Variants in ATRNL1 observed in about 807,000 individuals in gnomAD.
ATRNL1 encodes the protein attractin like 1, also known as attractin-like protein 1.
ATRNL1 carries 95 observed loss-of-function variants against 182.7 expected under a neutral mutation model. The observed-to-expected ratio is 0.52, with a 90% CI of 0.44 to 0.62. ATRNL1 has a LOEUF of 0.62. Ranked by LOEUF, ATRNL1 falls within the 20% of genes least tolerant of loss-of-function variation. The pLI, the probability that ATRNL1 is intolerant of heterozygous loss-of-function variation, is 0.00. For missense variants in ATRNL1, 1,471 were observed against 1,679.5 expected (o/e 0.88, Z 2.17); for synonymous variants, 576 against 568.3 (o/e 1.01, Z -0.19).
At chr10:115,678,158 T>G (rs1945927495) in intron 26 of ATRNL1, among the ~76,000 whole-genome samples, 1 of 152,006 alleles carries the variant, frequency 6.6e-6, no homozygotes, top group Non-Finnish European at 1.5e-5. Flanking sequence ...AAATAATAAT[T>G]CAACAAAGAG....
intron 26 of ATRNL1, among the ~76,000 whole-genome samples, chr10:115,634,208 A>G (rs1565232520): frequency 1.3e-5 from 2 of 152,156 alleles, no homozygotes; most frequent in Non-Finnish European, 1.5e-5. Context: ...TACCGTGGTT[A>G]TTATGCACTT....
chr10:115,736,258 C>G (rs1555065595), intron 27 of ATRNL1, among the ~76,000 whole-genome samples: 1 of 152,120 alleles, frequency 6.6e-6, no homozygotes, highest in East Asian at 1.9e-4. Flanking sequence ...GAACATTGTT[C>G]CAATTCACTA....
At chr10:115,239,030 T>C (rs567098589) in intron 9 of ATRNL1, among the ~76,000 whole-genome samples, 2 of 152,184 alleles carry the variant, frequency 1.3e-5, no homozygotes, top group Non-Finnish European at 2.9e-5. Flanking sequence ...ATTGAATCAA[T>C]TGACTTTGAA....
intron 16 of ATRNL1, among the ~76,000 whole-genome samples, chr10:115,301,209 A>C (rs1160741878): frequency 1.3e-5 from 2 of 152,136 alleles, no homozygotes; most frequent in African/African-American, 4.8e-5. Flanking sequence ...ATGTGGGTGT[A>C]TGAATAACTG....
chr10:115,355,497 G>C (rs534309224), intron 19 of ATRNL1, among the ~76,000 whole-genome samples: 1 of 152,180 alleles, frequency 6.6e-6, no homozygotes, highest in South Asian at 2.1e-4. Context: ...AGCATAAGGA[G>C]CCCTTCTCTA....
At chr10:115,793,310 G>T (rs76954835) in intron 27 of ATRNL1, among the ~76,000 whole-genome samples, 2,426 of 151,952 alleles carry the variant, frequency 0.016, 80 homozygotes, top group African/African-American at 0.056. Context: ...AACTTATCTG[G>T]CATGTGAAGA....
intron 21 of ATRNL1, among the ~76,000 whole-genome samples, chr10:115,454,443 G>A (rs1013563773): frequency 2.0e-5 from 3 of 151,924 alleles, no homozygotes; most frequent in Admixed American, 2.0e-4. Context: ...GTAAAAAAAG[G>A]CACTGAGATT....
At chr10:115,922,910 A>T (rs1953109740) in intron 28 of ATRNL1, among the ~76,000 whole-genome samples, 1 of 152,186 alleles carries the variant, frequency 6.6e-6, no homozygotes, top group Non-Finnish European at 1.5e-5. Flanking sequence ...AACACAAGGA[A>T]AATACCCATG....
chr10:115,736,133 C>G lies in ATRNL1; in HGVS notation c.3903+8778C>G, dbSNP rs143328716. On this transcript the variant is annotated intron_variant, in intron 27 of 28. Coordinates refer to ENST00000355044, the MANE Select transcript of ATRNL1 (RefSeq NM_207303.4). ...TATCCCATTTGTATTTTCTTTATTCCCCTTCTAAGACTCTGATTAGATGCG... is the reference window on the plus strand; with the variant it reads ...TATCCCATTTGTATTTTCTTTATTCGCCTTCTAAGACTCTGATTAGATGCG... Among the ~76,000 whole-genome samples, 522 of 152,106 alleles carry G rather than the reference C, an allele frequency of 3.4e-3. 4 individuals are homozygous for G. The highest frequency in any genetic ancestry group is 0.012 in the African/African-American group (493 of 41,502).
chr10:115,713,429 A>G (rs1342984890), intron 26 of ATRNL1, among the ~76,000 whole-genome samples: 4 of 67,516 alleles, frequency 5.9e-5, no homozygotes, highest in African/African-American at 8.5e-5. Context: ...CAAAACAAGG[A>G]AGAGGGAAAG....
intron 19 of ATRNL1, among the ~76,000 whole-genome samples, chr10:115,359,969 A>G (rs1554943781): frequency 6.6e-6 from 1 of 151,654 alleles, no homozygotes; most frequent in African/African-American, 2.4e-5. Flanking sequence ...GTAAGCGTCC[A>G]ACTTCTGGAA....
At chr10:115,600,115 T>C (rs1359367366) in intron 26 of ATRNL1, among the ~76,000 whole-genome samples, 1 of 152,180 alleles carries the variant, frequency 6.6e-6, no homozygotes, top group Non-Finnish European at 1.5e-5. Flanking sequence ...TCTTCCTTCT[T>C]TGACCCATCT....
intron 26 of ATRNL1, among the ~76,000 whole-genome samples, chr10:115,674,593 C>T (rs556926895): frequency 2.0e-5 from 3 of 152,128 alleles, no homozygotes; most frequent in South Asian, 2.1e-4. Context: ...CAAGGACCTC[C>T]GAGTCTACTG....
chr10:115,234,780 G>T (rs1554900927), intron 9 of ATRNL1, among the ~76,000 whole-genome samples: 5 of 151,846 alleles, frequency 3.3e-5, no homozygotes, highest in African/African-American at 1.2e-4. Context: ...TTAGGGACCG[G>T]GTTTTGCTAT....
intron 21 of ATRNL1, among the ~76,000 whole-genome samples, chr10:115,426,784 G>C (rs1242763528): frequency 6.6e-6 from 1 of 152,156 alleles, no homozygotes; most frequent in Non-Finnish European, 1.5e-5. Flanking sequence ...GAGTGCAACG[G>C]CACAATCTCA....
At chr10:115,738,154 T>TTTTTTTTTTTTTTCTTTTTTC (rs71010046) in intron 27 of ATRNL1, among the ~76,000 whole-genome samples, 1 of 63,870 alleles carries the variant, frequency 1.6e-5, no homozygotes, top group Non-Finnish European at 3.3e-5. Flanking sequence ...TTTTTTTTTT[T>TTTTTTTTTTTTTTCTTTTTTC]TTGAGATGGA....
intron 8 of ATRNL1, among the ~76,000 whole-genome samples, chr10:115,208,157 C>T (rs530703184): frequency 6.6e-6 from 1 of 152,058 alleles, no homozygotes; most frequent in South Asian, 2.1e-4. Flanking sequence ...CATTCTATTT[C>T]ATTTATAGGC....
At chr10:115,428,073 T>C (rs1344720173) in intron 21 of ATRNL1, among the ~76,000 whole-genome samples, 1 of 152,042 alleles carries the variant, frequency 6.6e-6, no homozygotes, top group Non-Finnish European at 1.5e-5. Context: ...TTCTCAATTC[T>C]TTAATTTTTA....
At chr10:115,131,829 T>C (rs1007858078) in intron 5 of ATRNL1, among the ~76,000 whole-genome samples, 4 of 152,232 alleles carry the variant, frequency 2.6e-5, no homozygotes, top group African/African-American at 9.6e-5. Context: ...ATGCCTAATG[T>C]ATATTTTTTA....
Sources: gnomAD v4.1 joint callset for allele counts (sites outside exome capture counted in the v4.1 genomes callset) on GRCh38, gnomAD v4.1.1 for gene constraint, MANE v1.5 for transcripts, NCBI Gene and HGNC (gene_info 2026-07-23, HGNC 2026-07-21) for gene names.